LGALS9B: variants seen among roughly 807,000 people sequenced by gnomAD.
LGALS9B encodes the protein galectin-9B.
Under a neutral mutation model 35.9 loss-of-function variants are expected in LGALS9B, and 8 were observed. The ratio of observed to expected loss-of-function variants is 0.22; its 90% CI spans 0.13 to 0.40. The LOEUF (loss-of-function observed/expected upper bound fraction) is 0.40. LGALS9B is among the 10% of genes least tolerant of loss of function. The probability of loss-of-function intolerance (pLI) is 1.00; values close to 1 mark genes in which losing one functional copy is unlikely to be tolerated. For synonymous variants in LGALS9B, 42 were observed against 148.6 expected (o/e 0.28, Z 5.22); for missense variants, 101 against 397.9 (o/e 0.25, Z 6.35).
In LGALS9B at chr17:20,458,301, A is replaced by G; in HGVS notation, c.215T>C (p.Val72Ala). The change falls in exon 3 of 11, where the codon GTG becomes GCG. Residue 72 changes from valine to alanine, a missense_variant. Coordinates refer to ENST00000423676, the MANE Select transcript of LGALS9B (RefSeq NM_001367292.2). ...FNPRFEDGGY[V>A]VCNTRQKGRW... is the part of the protein sequence containing the mutation. ...TCCTTTCTGCCTCGTGTTGCACACC[A>G]CATACCCTCCGTCTTCAAACCGAGG... The G allele has an allele frequency of 6.2e-7, 1 of 1,613,866 alleles. No individual in the cohort carries two copies. The highest frequency in any genetic ancestry group is 8.5e-7 in the Non-Finnish European group (1 of 1,179,896).
chr17:20,461,209 G>T (rs2042727127), intron 1 of LGALS9B, among the ~76,000 whole-genome samples: 1 of 151,524 alleles, frequency 6.6e-6, no homozygotes, highest in Non-Finnish European at 1.5e-5. Flanking sequence ...CGGACTCCAG[G>T]TCTGAATCCT....
At chr17:20,465,695 A>G (rs1242829177) in intron 1 of LGALS9B, among the ~76,000 whole-genome samples, 2 of 115,410 alleles carry the variant, frequency 1.7e-5, no homozygotes, top group African/African-American at 6.8e-5. Context: ...CCAGCCCTCC[A>G]AAGAGGCTGG....
At chr17:20,458,756 C>A (rs534794002) in intron 2 of LGALS9B, among the ~76,000 whole-genome samples, 11,643 of 118,120 alleles carry the variant, frequency 0.099, no homozygotes, top group African/African-American at 0.24. Context: ...TGTTGGAGGC[C>A]AGCACATGCC....
intron 1 of LGALS9B, among the ~76,000 whole-genome samples, chr17:20,460,846 C>A (rs2042723683): frequency 7.0e-6 from 1 of 143,838 alleles, no homozygotes; most frequent in African/African-American, 2.5e-5. Context: ...GGACCCCATG[C>A]CAAGCTCCCA....
At chr17:20,457,320 G>T in intron 3 of LGALS9B, 1 of 97,440 alleles carries the variant, frequency 1.0e-5, no homozygotes, top group Non-Finnish European at 2.3e-5. Flanking sequence ...GGATCTGCAG[G>T]TTTGTTAACT....
chr17:20,456,100 C>A (rs920954715), intron 4 of LGALS9B, among the ~76,000 whole-genome samples: 2 of 151,552 alleles, frequency 1.3e-5, no homozygotes, highest in African/African-American at 2.4e-5. Flanking sequence ...ATTGTGTGAC[C>A]TCTGATATCT....
chr17:20,464,848 C>T (rs1350873311), intron 1 of LGALS9B, among the ~76,000 whole-genome samples: 9 of 152,204 alleles, frequency 5.9e-5, no homozygotes, highest in African/African-American at 2.2e-4. Context: ...CTGGAGAGGA[C>T]TGGGTGCAAT....
In LGALS9B at chr17:20,459,280, G is replaced by A. The variant is rs563987806; in HGVS notation, c.132-896C>T. On this transcript the variant is annotated intron_variant, in intron 2 of 10. Transcript: ENST00000423676. The stretch of plus-strand genomic sequence containing the variant: ...GAGACAGAAAGCTCCTGAGAGGAGA[G>A]GGCCCTCTGAGGTAGGATCTGTCTC... 2.8e-3 allele frequency among the ~76,000 whole-genome samples: 421 copies of A among 148,860 alleles called. 1 individual carries two copies. Among genetic ancestry groups the A allele is most frequent in the African/African-American group, 9.7e-3 (388 of 40,182 alleles).
Position 20,451,179 on chromosome 17 carries a change from A to G in LGALS9B, c.924+302T>C, listed in dbSNP as rs534644699. Among the ~76,000 whole-genome samples, 12 of 150,862 alleles carry G rather than the reference A, an allele frequency of 8.0e-5. No individual in the cohort carries two copies. The South Asian group carries it at 1.9e-3, about 24-fold the overall frequency. On this transcript the variant is annotated intron_variant, in intron 10 of 10. Transcript: ENST00000423676. ...GTGAAATCGTTGAATGAGTCAGTGA[A>G]GAAATGAATAACACCTCCTTCTTGG...
chr17:20,459,010 T>TG lies in LGALS9B; in HGVS notation c.132-627dup, dbSNP rs1195297319. Among the ~76,000 whole-genome samples the TG allele has an allele frequency of 7.2e-5, 11 of 152,000 alleles. 1 individual carries two copies. The highest frequency in any genetic ancestry group is 2.7e-4 in the African/African-American group (11 of 41,356). ...TGCATGTCTATAGTCCCAGCTGCTC[T>TG]GGGGGATGAGATGGGAGGATCCCTT... On this transcript the variant is annotated intron_variant, in intron 2 of 10. Coordinates refer to ENST00000423676, the MANE Select transcript of LGALS9B (RefSeq NM_001367292.2).
chr17:20,455,785 G>A (rs2042685563), intron 4 of LGALS9B, among the ~76,000 whole-genome samples: 1 of 150,608 alleles, frequency 6.6e-6, no homozygotes, highest in South Asian at 2.1e-4. Context: ...GGGAATGTGG[G>A]CCCAGCATAC....
At chr17:20,450,325 C>T (rs1240617272) in intron 10 of LGALS9B, among the ~76,000 whole-genome samples, 2 of 140,252 alleles carry the variant, frequency 1.4e-5, no homozygotes, top group African/African-American at 5.2e-5. Context: ...ACTGTTCCCA[C>T]GACATCAGGG....
At position 20,462,361 on chromosome 17, in the gene LGALS9B, T is replaced by C. The variant is rs1439445606; in HGVS notation, c.40-1918A>G. ...GTGTTGTTGATGGTACAATTCTCTC[T>C]GCATGTTTGAATTTCCTATAATAAC... is the stretch of plus-strand genomic sequence containing the variant. On this transcript the variant is annotated intron_variant, in intron 1 of 10. Transcript: ENST00000423676. Among the ~76,000 whole-genome samples, 2 of 47,654 alleles carry C rather than the reference T, an allele frequency of 4.2e-5. 1 individual carries two copies. Among genetic ancestry groups the C allele is most frequent in the Admixed American group, 4.6e-4 (2 of 4,378 alleles). The allele number at this position is 47,654 out of a possible 152,430, so 31.3% of individuals were successfully genotyped here.
chr17:20,464,206 C>T (rs1301326872), intron 1 of LGALS9B, among the ~76,000 whole-genome samples: 1 of 149,806 alleles, frequency 6.7e-6, no homozygotes, highest in African/African-American at 2.5e-5. Flanking sequence ...TCACGCGATC[C>T]TCCCACCTCA....
At chr17:20,455,619 G>A (rs1339839056) in intron 4 of LGALS9B, among the ~76,000 whole-genome samples, 2 of 138,074 alleles carry the variant, frequency 1.4e-5, no homozygotes, top group African/African-American at 5.0e-5. Flanking sequence ...CCACCCGCAG[G>A]GGAGAGAGTC....
intron 1 of LGALS9B, among the ~76,000 whole-genome samples, chr17:20,465,848 T>A (rs1350746367): frequency 6.7e-6 from 1 of 149,400 alleles, no homozygotes; most frequent in Non-Finnish European, 1.5e-5. Context: ...GACTGCCAGA[T>A]GGGTCACCGA....
chr17:20,461,404 C>T (rs1455511678), intron 1 of LGALS9B, among the ~76,000 whole-genome samples: 1 of 152,102 alleles, frequency 6.6e-6, no homozygotes, highest in Non-Finnish European at 1.5e-5. Context: ...CACCCACCCC[C>T]ACCTTGGTCT....
At chr17:20,457,875 A>G (rs1486779594) in intron 3 of LGALS9B, among the ~76,000 whole-genome samples, 2 of 150,634 alleles carry the variant, frequency 1.3e-5, no homozygotes, top group Non-Finnish European at 3.0e-5. Flanking sequence ...AGGTATGGTG[A>G]TAGCAGAGGA....
chr17:20,458,194 A>T lies in LGALS9B; in HGVS notation c.322T>A (p.Ser108Thr), dbSNP rs2042701755. The T allele has an allele frequency of 6.2e-7, 1 of 1,611,304 alleles. No individual in the cohort carries two copies. The highest frequency in any genetic ancestry group is 1.3e-5 in the African/African-American group (1 of 74,324). The stretch of plus-strand genomic sequence containing the variant: ...GGATTCCTGCTTACCTTGAAATCTG[A>T]GCTCTGCACCAGGAAGCAGAGGTCA... The part of the protein sequence containing the change: ...PFDLCFLVQS[S>T]DFKVMVNGSL... The change falls in exon 3 of 11, where the codon TCA (serine) becomes ACA (threonine). Residue 108 changes from serine (S) to threonine (T), a missense_variant. Physicochemically the swap from Ser to Thr is moderately conservative, Grantham distance 58 (BLOSUM62 1). Transcript: ENST00000423676.
Sources: gnomAD v4.1 joint callset for allele counts (sites outside exome capture counted in the v4.1 genomes callset) on GRCh38, gnomAD v4.1.1 for gene constraint, MANE v1.5 for transcripts, NCBI Gene and HGNC (gene_info 2026-07-23, HGNC 2026-07-21) for gene names.